CIAO2B: variants seen among roughly 807,000 people sequenced by gnomAD.
The protein encoded by CIAO2B is MSS19-interacting protein of 18 kDa.
CIAO2B carries 20 observed loss-of-function variants against 16.4 expected under a neutral mutation model. The ratio of observed to expected loss-of-function variants is 1.22; its 90% CI spans 0.86 to 1.77. The LOEUF (loss-of-function observed/expected upper bound fraction) is 1.77, where lower values mean the gene tolerates loss of function less well. CIAO2B is among the 40% of genes most tolerant of loss of function. The probability of loss-of-function intolerance (pLI) is 0.00; values close to 1 mark genes in which losing one functional copy is unlikely to be tolerated. For missense variants in CIAO2B, 215 were observed against 222.4 expected, an observed-to-expected ratio of 0.97 and a Z score of 0.21; for synonymous variants, 106 against 90.4, an observed-to-expected ratio of 1.17 and a Z score of -0.98.
At chr16:66,932,518 T>A in intron 4 of CIAO2B, 1 of 717,992 alleles carries the variant, frequency 1.4e-6, no homozygotes, top group East Asian at 2.7e-5. Flanking sequence ...CCTGGCTGCC[T>A]CCTGCGCTGC....
rs1288832993 is a variant in CIAO2B, at chr16:66,932,834, G to A, written c.349-9C>T. Reference sequence around the variant, plus strand: ...GTAATGTGCACGTCCATCTGGGAGGGAGATAACCAGGGCCTGAACACCCAC... The same window carrying A: ...GTAATGTGCACGTCCATCTGGGAGGAAGATAACCAGGGCCTGAACACCCAC... On this transcript the variant is annotated splice_polypyrimidine_tract_variant and intron_variant, in intron 3 of 4. Transcript: ENST00000422424. 6.2e-7 allele frequency: 1 copy of A among 1,611,438 alleles called. No homozygotes were observed. The highest frequency in any genetic ancestry group is 8.5e-7 in the Non-Finnish European group (1 of 1,178,860).
chr16:66,933,881 C>G, intron 2 of CIAO2B, 106 bp downstream of exon 2: 2 of 1,550,878 alleles, frequency 1.3e-6, no homozygotes, highest in South Asian at 2.4e-5. Flanking sequence ...ATCTCCCTCC[C>G]CAAAGATACC....
intron 2 of CIAO2B, 103 bp from the exon 3 acceptor site, chr16:66,933,842 G>A (rs1245270267): frequency 1.6e-5 from 25 of 1,536,426 alleles, no homozygotes; most frequent in Non-Finnish European, 2.1e-5. Context: ...ATGGGCCTCA[G>A]TTTCAACACC....
intron 3 of CIAO2B, among the ~76,000 whole-genome samples, chr16:66,933,069 CCT>C (rs1429730755): frequency 6.6e-6 from 1 of 152,036 alleles, no homozygotes; most frequent in Non-Finnish European, 1.5e-5. Flanking sequence ...CTCACTGCAA[CCT>C]CTGTCTCCCA....
intron 4 of CIAO2B, 40 bp downstream of exon 4, chr16:66,932,740 G>C: frequency 1.3e-6 from 2 of 1,590,492 alleles, no homozygotes; most frequent in South Asian, 1.1e-5. Context: ...CTGCTTAGGG[G>C]GTGCCCGGGC....
Position 66,932,296 on chromosome 16 carries a change from G to C in CIAO2B, c.399C>G (p.Asn133Lys), listed in dbSNP as rs776944995. Residue 133 changes from asparagine (N) to lysine (K), a missense_variant, in exon 5 of 5, where the codon AAC becomes AAG. Physicochemically the swap from Asn to Lys is moderately conservative, Grantham distance 94. Coordinates refer to ENST00000422424, the MANE Select transcript of CIAO2B (RefSeq NM_016062.4). ...PGTHASEHAV[N>K]KQLADKERVA... is the part of the protein sequence containing the mutation. ...CCCGCTCCTTATCTGCAAGTTGCTTGTTCACTAGGTGGGAAGAAGGGTGTG... is the reference window on the plus strand; with the variant it reads ...CCCGCTCCTTATCTGCAAGTTGCTTCTTCACTAGGTGGGAAGAAGGGTGTG... 18 of 1,613,452 alleles carry C rather than the reference G, an allele frequency of 1.1e-5. No homozygotes were observed. Among genetic ancestry groups the C allele is most frequent in the Non-Finnish European group, 1.4e-5 (17 of 1,179,596 alleles).
rs1248884726 is a variant in CIAO2B, at chr16:66,934,370, A to G, written c.-6T>C. 1.3e-6 allele frequency: 2 copies of G among 1,546,578 alleles called. No individual in the cohort carries two copies. Among genetic ancestry groups the G allele is most frequent in the Non-Finnish European group, 8.7e-7 (1 of 1,152,958 alleles). On this transcript the variant is annotated 5_prime_UTR_variant, in exon 1 of 5. Transcript: ENST00000422424. The surrounding 1 kb of genome is among the most constrained non-coding windows in gnomAD (Gnocchi z 4.1). ...ACCCCGCCGCCGCCTACCATCGCGG[A>G]ACCACCACCGCTGATCCTAGCAGGC...
chr16:66,933,628 GA>G lies in CIAO2B; in HGVS notation c.333del (p.Pro112LeufsTer21). The G allele has an allele frequency of 6.2e-7, 1 of 1,609,690 alleles. No homozygotes were observed. Among genetic ancestry groups the G allele is most frequent in the African/African-American group, 1.3e-5 (1 of 74,812 alleles). ...LSIKVKLLRS[L>X]PQRFKMDVHI... ...CTCCAACTGACCTTGAAACGCTGAG[GA>G]AGGGAGCGCAGAAGCTTGACCTTGA... On this transcript the variant is annotated frameshift_variant, in exon 3 of 5. Coordinates refer to ENST00000422424, the MANE Select transcript of CIAO2B (RefSeq NM_016062.4). LOFTEE classifies it high-confidence loss of function.
In CIAO2B at chr16:66,933,848, A is replaced by G; in HGVS notation, c.223-109T>C. On this transcript the variant is annotated intron_variant, in intron 2 of 4. Coordinates refer to ENST00000422424, the MANE Select transcript of CIAO2B (RefSeq NM_016062.4). ...CCAACTTCTATGGGCCTCAGTTTCA[A>G]CACCCATAAAATAGGCACAACAATC... 2.0e-6 allele frequency: 3 copies of G among 1,537,114 alleles called. No homozygotes were observed. The South Asian group carries it at 3.6e-5, about 18-fold the overall frequency.
intron 3 of CIAO2B, 54 bp from the exon 4 acceptor site, chr16:66,932,879 C>T (rs1304901174): frequency 5.0e-6 from 8 of 1,588,154 alleles, no homozygotes; most frequent in Non-Finnish European, 6.0e-6. Flanking sequence ...CACACTTTTC[C>T]CTGCAGCCCC....
chr16:66,933,049 G>A (rs943633810), intron 3 of CIAO2B, among the ~76,000 whole-genome samples: 2 of 151,664 alleles, frequency 1.3e-5, no homozygotes, highest in South Asian at 2.1e-4. Flanking sequence ...GTGCAGCAGC[G>A]CAATCTCGGC....
chr16:66,933,133 C>A (rs1296672896), intron 3 of CIAO2B, among the ~76,000 whole-genome samples: 1 of 152,116 alleles, frequency 6.6e-6, no homozygotes, highest in Non-Finnish European at 1.5e-5. Flanking sequence ...GGACCACAGG[C>A]ACACACCACC....
chr16:66,933,078 C>T (rs1007609862), intron 3 of CIAO2B, among the ~76,000 whole-genome samples: 1 of 152,068 alleles, frequency 6.6e-6, no homozygotes, highest in Non-Finnish European at 1.5e-5. Context: ...ACCTCTGTCT[C>T]CCAGGTTCAA....
intron 3 of CIAO2B, among the ~76,000 whole-genome samples, chr16:66,933,032 G>A (rs1248299512): frequency 6.6e-6 from 1 of 151,812 alleles, no homozygotes; most frequent in Non-Finnish European, 1.5e-5. Context: ...CTGTTGCCCA[G>A]GCTGGAGTGC....
At chr16:66,932,588 C>A in intron 4 of CIAO2B, 192 bp downstream of exon 4, 1 of 750,758 alleles carries the variant, frequency 1.3e-6, no homozygotes. Flanking sequence ...GAGAAGAGGA[C>A]ATGGTAAGCA....
At chr16:66,932,521 T>C (rs1349149098) in intron 4 of CIAO2B, 2 of 718,316 alleles carry the variant, frequency 2.8e-6, no homozygotes, top group African/African-American at 3.5e-5. Context: ...GGCTGCCTCC[T>C]GCGCTGCTGA....
rs1372709885 is a variant in CIAO2B at position 66,933,387 on chromosome 16, ACTGCCCTTC to A, written c.348+218_348+226del. 37 of 603,524 alleles carry A rather than the reference ACTGCCCTTC, an allele frequency of 6.1e-5. No homozygotes were observed. The Admixed American group carries it at 1.2e-3, about 19-fold the overall frequency. 37.4% of individuals were successfully genotyped at this position (603,524 alleles called of 1,614,324 possible). A position where few individuals can be genotyped will look rare whatever the true frequency, so the allele number is the denominator to read the frequency against. ...GGTCCAAACCCATCTGCCGCTCCCT[ACTGCCCTTC>A]CTGCCACACTCTTCAATACTTTTCT... On this transcript the variant is annotated intron_variant, in intron 3 of 4. Coordinates refer to ENST00000422424, the MANE Select transcript of CIAO2B (RefSeq NM_016062.4).
chr16:66,933,952 T>G (rs1963124587), intron 2 of CIAO2B, 35 bp downstream of exon 2: 1 of 1,611,390 alleles, frequency 6.2e-7, no homozygotes, highest in South Asian at 1.1e-5. Flanking sequence ...TTTCTGACTC[T>G]CTGGAACAAC....
In CIAO2B at chr16:66,934,086, G is replaced by A. The variant is rs1963129613; in HGVS notation, c.143-20C>T. 6.2e-7 allele frequency: 1 copy of A among 1,613,262 alleles called. No homozygotes were observed. Among genetic ancestry groups the A allele is most frequent in the East Asian group, 2.2e-5 (1 of 44,876 alleles). On this transcript the variant is annotated intron_variant, in intron 1 of 4. Coordinates refer to ENST00000422424, the MANE Select transcript of CIAO2B (RefSeq NM_016062.4). This position sits in a 1 kb window ranked among gnomAD's most constrained non-coding sequence, Gnocchi z 4.1. Reference sequence around the variant, plus strand: ...TCAGATGTGGGAAGTGAAGGAAAAGGGACTCTGCGCCCTTGCCCACTTAGA... The same window carrying A: ...TCAGATGTGGGAAGTGAAGGAAAAGAGACTCTGCGCCCTTGCCCACTTAGA...
Sources: allele counts gnomAD v4.1 joint callset (sites outside exome capture counted in the v4.1 genomes callset), GRCh38; gene constraint gnomAD v4.1.1; non-coding constraint Gnocchi (gnomAD v3.1); transcripts MANE v1.5; gene names NCBI Gene and HGNC (gene_info 2026-07-23, HGNC 2026-07-21).